Variants in CNST observed in about 807,000 individuals in gnomAD.
CNST encodes consortin.
Under a neutral mutation model 72.4 loss-of-function variants are expected in CNST, and 39 were observed. That is an observed-to-expected ratio of 0.54 (90% CI 0.42 to 0.70). The LOEUF (loss-of-function observed/expected upper bound fraction) is 0.70. CNST is among the 30% of genes least tolerant of loss of function. The pLI is 0.00. For synonymous variants in CNST, 332 were observed against 320.1 expected (o/e 1.04, Z -0.40); for missense variants, 871 against 868.5 (o/e 1.00, Z -0.04).
chr1:246,628,075 C>T (rs1288388753), intron 3 of CNST, among the ~76,000 whole-genome samples: 3 of 152,052 alleles, frequency 2.0e-5, no homozygotes, highest in Non-Finnish European at 4.4e-5. Context: ...ACATCCAGCA[C>T]GCGAGAAAGA....
intron 8 of CNST, among the ~76,000 whole-genome samples, chr1:246,646,815 T>A (rs1281323499): frequency 1.3e-5 from 2 of 152,228 alleles, no homozygotes; most frequent in Non-Finnish European, 2.9e-5. Flanking sequence ...GAAAATAATT[T>A]TTGTAACTTC....
chr1:246,610,515 G>GT (rs1663243868), intron 2 of CNST, among the ~76,000 whole-genome samples: 1 of 152,104 alleles, frequency 6.6e-6, no homozygotes, highest in Non-Finnish European at 1.5e-5. Flanking sequence ...ACACTGTACT[G>GT]TTTTTTTGAT....
At chr1:246,574,658 C>A (rs1002284299) in intron 1 of CNST, among the ~76,000 whole-genome samples, 1 of 151,970 alleles carries the variant, frequency 6.6e-6, no homozygotes, top group Non-Finnish European at 1.5e-5. Context: ...TGGCCTCCTC[C>A]AGGAGCGATC....
At chr1:246,610,446 A>G (rs956793659) in intron 2 of CNST, among the ~76,000 whole-genome samples, 3 of 152,062 alleles carry the variant, frequency 2.0e-5, no homozygotes, top group African/African-American at 2.4e-5. Context: ...AGGAAATTCA[A>G]TGTCTCGGCT....
Position 246,567,533 on chromosome 1 carries a change from T to C in CNST, c.-52+870T>C, listed in dbSNP as rs144979360. On this transcript the variant is annotated intron_variant, in intron 1 of 10. Transcript: ENST00000366513. ...TCCTTTCTGCTTACTCTACTGAGAG[T>C]GTAATTGAGTTTGGCATTTAAATGC... 1.6e-3 allele frequency among the ~76,000 whole-genome samples: 245 copies of C among 152,216 alleles called. 1 individual carries two copies. Among genetic ancestry groups the C allele is most frequent in the African/African-American group, 5.6e-3 (234 of 41,522 alleles).
chr1:246,636,700 C>T (rs572743442), intron 6 of CNST, among the ~76,000 whole-genome samples: 1 of 152,310 alleles, frequency 6.6e-6, no homozygotes, highest in East Asian at 1.9e-4. Flanking sequence ...CCACTGTTTC[C>T]CTTTTGGACA....
chr1:246,574,969 GTATTTTATT>G (rs939502078), intron 1 of CNST, among the ~76,000 whole-genome samples: 3 of 69,358 alleles, frequency 4.3e-5, no homozygotes, highest in Non-Finnish European at 1.0e-4. Flanking sequence ...TCTTCCTCAA[GTATTTTATT>G]TATTTATTTA....
chr1:246,650,384 T>G (rs536239474), intron 9 of CNST, among the ~76,000 whole-genome samples: 1 of 152,350 alleles, frequency 6.6e-6, no homozygotes, highest in Admixed American at 6.5e-5. Context: ...CTAATTTACT[T>G]TCCTATGACA....
chr1:246,654,824 T>A (rs535233030), intron 9 of CNST, among the ~76,000 whole-genome samples: 4 of 2,144 alleles, frequency 1.9e-3, no homozygotes, highest in Non-Finnish European at 4.3e-3. Context: ...CTTATCTGTG[T>A]TTTTTTTTTT....
intron 1 of CNST, chr1:246,566,919 C>T (rs1487777606): frequency 1.7e-5 from 6 of 343,680 alleles, no homozygotes; most frequent in Non-Finnish European, 3.1e-5. Flanking sequence ...GGGACTAGCG[C>T]CAGAAGTCGT....
chr1:246,588,971 C>A (rs1661365812), intron 1 of CNST, among the ~76,000 whole-genome samples: 1 of 151,922 alleles, frequency 6.6e-6, no homozygotes, highest in African/African-American at 2.4e-5. Flanking sequence ...AAAATTGAGT[C>A]CCTCAATGTG....
At chr1:246,585,779 C>T (rs189193121) in intron 1 of CNST, among the ~76,000 whole-genome samples, 33 of 149,412 alleles carry the variant, frequency 2.2e-4, no homozygotes, top group Non-Finnish European at 3.4e-4. Context: ...GTATACTCAA[C>T]GATCAGTTTC....
intron 4 of CNST, 62 bp from the exon 5 acceptor site, chr1:246,633,862 C>T (rs1664954563): frequency 8.9e-7 from 1 of 1,127,922 alleles, no homozygotes. Context: ...GGACATTGTT[C>T]TTCAAATATG....
In CNST at chr1:246,627,269, C is replaced by T. The variant is rs148747827; in HGVS notation, c.586-4625C>T. On this transcript the variant is annotated intron_variant, in intron 3 of 10. Coordinates refer to ENST00000366513, the MANE Select transcript of CNST (RefSeq NM_152609.3). ...TTAGAATAAAAGCCAAAATCCTTAC[C>T]GTGGCCTACAAGGCCCTACATGATC... 3.3e-4 allele frequency among the ~76,000 whole-genome samples: 51 copies of T among 152,332 alleles called. 2 individuals carry two copies. In the East Asian group the frequency reaches 7.5e-3, roughly 22 times the overall value.
At chr1:246,664,434 T>C (rs1484344555) in intron 10 of CNST, among the ~76,000 whole-genome samples, 1 of 151,630 alleles carries the variant, frequency 6.6e-6, no homozygotes, top group African/African-American at 2.4e-5. Context: ...TTTTTTTCTT[T>C]TTTTTTTTTT....
chr1:246,636,786 C>T (rs1247509269), intron 6 of CNST, among the ~76,000 whole-genome samples: 1 of 152,132 alleles, frequency 6.6e-6, no homozygotes, highest in East Asian at 1.9e-4. Context: ...CAACACATTC[C>T]TCGACTAAGG....
At chr1:246,652,153 A>G (rs1474588957) in intron 9 of CNST, among the ~76,000 whole-genome samples, 1 of 152,198 alleles carries the variant, frequency 6.6e-6, no homozygotes, top group East Asian at 1.9e-4. Context: ...CCCTTTACTC[A>G]GGAACCTGAT....
chr1:246,643,789 A>G (rs1665869174), intron 8 of CNST, among the ~76,000 whole-genome samples: 1 of 152,208 alleles, frequency 6.6e-6, no homozygotes, highest in Admixed American at 6.5e-5. Context: ...AAATGTCAAT[A>G]ATGTGGGTGA....
At position 246,634,531 on chromosome 1, in the gene CNST, G is replaced by A. The variant is rs901199178; in HGVS notation, c.762G>A (p.Lys254=). The change falls in exon 6 of 11, where the codon AAG becomes AAA. Residue 254 remains lysine (K), a synonymous_variant. Transcript: ENST00000366513. The part of the protein sequence containing the change: ...HTVTALRNSE[K]GFNGEDFERL... ...TTACGGCTCTAAGGAATTCAGAAAAGGGATTTAATGGTGAAGATTTTGAAC... is the reference window on the plus strand; with the variant it reads ...TTACGGCTCTAAGGAATTCAGAAAAAGGATTTAATGGTGAAGATTTTGAAC... 7 of 1,609,090 alleles carry A rather than the reference G, an allele frequency of 4.4e-6. No individual in the cohort carries two copies. In the Admixed American group the frequency reaches 1.2e-4, roughly 28 times the overall value.
Sources: gnomAD v4.1 joint callset for allele counts (sites outside exome capture counted in the v4.1 genomes callset) on GRCh38, gnomAD v4.1.1 for gene constraint, MANE v1.5 for transcripts, NCBI Gene and HGNC (gene_info 2026-07-23, HGNC 2026-07-21) for gene names.